Variants in ADH4 observed in about 807,000 individuals in gnomAD.
ADH4 encodes all-trans-retinol dehydrogenase [NAD(+)] ADH4.
Under a neutral mutation model 35.2 loss-of-function variants are expected in ADH4, and 31 were observed. The ratio of observed to expected loss-of-function variants is 0.88; its 90% CI spans 0.66 to 1.19. The LOEUF (loss-of-function observed/expected upper bound fraction) is 1.19, where lower values mean the gene tolerates loss of function less well. Ranked by LOEUF, ADH4 falls within the 50% of genes most tolerant of loss-of-function variation. The pLI, the probability that ADH4 is intolerant of heterozygous loss-of-function variation, is 0.00. For synonymous variants in ADH4, 171 were observed against 160.2 expected, an observed-to-expected ratio of 1.07 and a Z score of -0.51; for missense variants, 476 against 458.3, an observed-to-expected ratio of 1.04 and a Z score of -0.35.
chr4:99,138,348 T>C (rs1170650220), intron 4 of ADH4, among the ~76,000 whole-genome samples: 1 of 152,186 alleles, frequency 6.6e-6, no homozygotes, highest in African/African-American at 2.4e-5. Flanking sequence ...GTAAGAGTAG[T>C]ACAATTTTAG....
rs1353690771 is a variant in ADH4 at position 99,125,830 on chromosome 4, T to C, written c.1118+764A>G. On this transcript the variant is annotated intron_variant, in intron 8 of 8. Coordinates refer to ENST00000265512, the MANE Select transcript of ADH4 (RefSeq NM_000670.5). ...CTGCTTCAAATCCCAGTTATTTTAA[T>C]TTTACTTTAGACTTTTCCTCCTCTC... Among the ~76,000 whole-genome samples the C allele has an allele frequency of 2.0e-5, 3 of 152,220 alleles. No individual in the cohort carries two copies. In the East Asian group the frequency reaches 5.8e-4, roughly 29 times the overall value.
intron 8 of ADH4, 36 bp downstream of exon 8, chr4:99,126,557 GT>G: frequency 6.5e-7 from 1 of 1,528,456 alleles, no homozygotes; most frequent in South Asian, 1.3e-5. Flanking sequence ...CATTGTAAAC[GT>G]TTTTTAAATC....
intron 6 of ADH4, among the ~76,000 whole-genome samples, chr4:99,128,811 C>CTT (rs56742224): frequency 7.4e-5 from 11 of 149,522 alleles, no homozygotes; most frequent in Non-Finnish European, 1.0e-4. Context: ...ATTGTATTAT[C>CTT]TTTTTTTTGA....
At chr4:99,139,578 A>AT (rs776948207) in intron 3 of ADH4, among the ~76,000 whole-genome samples, 1 of 151,994 alleles carries the variant, frequency 6.6e-6, no homozygotes, top group Non-Finnish European at 1.5e-5. Flanking sequence ...CAAATTCCAC[A>AT]TTTTTCCACT....
At chr4:99,140,336 G>T (rs1258141639) in intron 3 of ADH4, among the ~76,000 whole-genome samples, 1 of 152,200 alleles carries the variant, frequency 6.6e-6, no homozygotes, top group Non-Finnish European at 1.5e-5. Flanking sequence ...TGCTTTGGGA[G>T]GCTGAGGTAG....
rs1579388992 is a variant in ADH4 at position 99,124,458 on chromosome 4, G to A, written c.1127C>T (p.Thr376Ile). The change falls in exon 9 of 9, where the codon ACA (threonine) becomes ATA (isoleucine). Residue 376 changes from threonine (T) to isoleucine (I), a missense_variant. Thr to Ile is a moderately conservative substitution (Grantham distance 89). Coordinates refer to ENST00000265512, the MANE Select transcript of ADH4 (RefSeq NM_000670.5). Reference protein sequence around the residue: ...DLMNQGKSVRTILIF With the variant: ...DLMNQGKSVRIILIF ...CTGGCATCTTCAAAAGATGAGGATTGTTCGGACGCTGTTAATAACAATAAA... is the reference window on the plus strand; with the variant it reads ...CTGGCATCTTCAAAAGATGAGGATTATTCGGACGCTGTTAATAACAATAAA... The A allele has an allele frequency of 6.7e-7, 1 of 1,488,494 alleles. No individual in the cohort carries two copies. Among genetic ancestry groups the A allele is most frequent in the East Asian group, 2.3e-5 (1 of 42,724 alleles). 92.2% of individuals were successfully genotyped at this position (1,488,494 alleles called of 1,614,324 possible).
rs918576670 is a variant in ADH4, at chr4:99,124,079, G to A, written c.*363C>T. On this transcript the variant is annotated 3_prime_UTR_variant, in exon 9 of 9. Coordinates refer to ENST00000265512, the MANE Select transcript of ADH4 (RefSeq NM_000670.5). ...AACATAGACAAAAGTGGAGAGAAAA[G>A]TATAATGAAACTCCATGTATTCATT... 33 of 191,114 alleles carry A rather than the reference G, an allele frequency of 1.7e-4. No homozygotes were observed. Among genetic ancestry groups the A allele is most frequent in the Non-Finnish European group, 2.4e-4 (23 of 95,582 alleles). 11.8% of individuals were successfully genotyped at this position (191,114 alleles called of 1,614,324 possible). A position where few individuals can be genotyped will look rare whatever the true frequency, so the allele number is the denominator to read the frequency against.
At chr4:99,140,822 G>A (rs371929310) in intron 3 of ADH4, among the ~76,000 whole-genome samples, 8 of 150,858 alleles carry the variant, frequency 5.3e-5, no homozygotes, top group African/African-American at 1.2e-4. Flanking sequence ...AGCTGAGATC[G>A]TGCCACTACA....
chr4:99,124,351 A>G lies in ADH4; in HGVS notation c.*91T>C, dbSNP rs1334454619. On this transcript the variant is annotated 3_prime_UTR_variant, in exon 9 of 9. Transcript: ENST00000265512. ...TAAATGTAAATATTTGTTTAAACTC[A>G]TGGCTTTCCTTGGTTCATCAAATCA... 7.7e-6 allele frequency: 7 copies of G among 913,544 alleles called. No homozygotes were observed. Among genetic ancestry groups the G allele is most frequent in the Non-Finnish European group, 1.0e-5 (6 of 582,690 alleles). The allele number at this position is 913,544 out of a possible 1,614,324, so 56.6% of individuals were successfully genotyped here. A position where few individuals can be genotyped will look rare whatever the true frequency, so the allele number is the denominator to read the frequency against.
intron 3 of ADH4, among the ~76,000 whole-genome samples, chr4:99,139,681 C>T (rs1344679610): frequency 6.6e-6 from 1 of 152,126 alleles, no homozygotes; most frequent in Non-Finnish European, 1.5e-5. Flanking sequence ...TTAATACATA[C>T]CACGCACCAT....
rs375601208 is a variant in ADH4, at chr4:99,131,484, C to G, written c.843+20G>C. On this transcript the variant is annotated intron_variant, in intron 6 of 8. Transcript: ENST00000265512. ...CAAAGAATACATTGAAAATATGATC[C>G]AAGAACAAAATATACATACCATGGT... The G allele has an allele frequency of 3.0e-5, 48 of 1,602,870 alleles. No individual in the cohort carries two copies. The highest frequency in any genetic ancestry group is 4.3e-6 in the Non-Finnish European group (5 of 1,175,090).
chr4:99,137,856 T>G (rs188849361), intron 4 of ADH4, among the ~76,000 whole-genome samples: 2 of 152,260 alleles, frequency 1.3e-5, no homozygotes, highest in African/African-American at 2.4e-5. Context: ...ACCATATATC[T>G]CTAAAGGATT....
intron 5 of ADH4, among the ~76,000 whole-genome samples, chr4:99,136,229 G>T (rs566269307): frequency 6.6e-6 from 1 of 152,254 alleles, no homozygotes; most frequent in East Asian, 1.9e-4. Flanking sequence ...AAGAACATAT[G>T]CTGGGTCAAT....
chr4:99,134,490 T>C (rs1199199734), intron 5 of ADH4, among the ~76,000 whole-genome samples: 2 of 152,124 alleles, frequency 1.3e-5, no homozygotes, highest in Non-Finnish European at 2.9e-5. Context: ...CTAGTGCTGA[T>C]GGCCCTTAAA....
chr4:99,141,455 A>T (rs959785885), intron 3 of ADH4, 86 bp downstream of exon 3: 3 of 1,353,904 alleles, frequency 2.2e-6, no homozygotes, highest in Middle Eastern at 2.0e-4. Context: ...ATAGAGATCA[A>T]TTATAGCATG....
chr4:99,124,560 G>T, intron 8 of ADH4, 94 bp from the exon 9 acceptor site: 2 of 754,056 alleles, frequency 2.7e-6, no homozygotes, highest in South Asian at 1.9e-5. Flanking sequence ...TTCAGGATCT[G>T]GTCTTCCTTT....
intron 6 of ADH4, among the ~76,000 whole-genome samples, chr4:99,129,041 C>G (rs969015260): frequency 1.3e-5 from 2 of 152,094 alleles, no homozygotes; most frequent in African/African-American, 4.8e-5. Context: ...CTCAAGCAGT[C>G]TGCCCACCTC....
Position 99,126,677 on chromosome 4 carries a change from T to C in ADH4, c.1035A>G (p.Lys345=). 1.2e-6 allele frequency: 2 copies of C among 1,612,032 alleles called. No homozygotes were observed. Among genetic ancestry groups the C allele is most frequent in the African/African-American group, 1.3e-5 (1 of 75,042 alleles). Residue 345 remains lysine, a synonymous_variant, in exon 8 of 9, where the codon AAA becomes AAG. Coordinates refer to ENST00000265512, the MANE Select transcript of ADH4 (RefSeq NM_000670.5). ...PKLVTDYKNK[K]FNLDALVTHT... Reference sequence around the variant, plus strand: ...GGGTCACCAGTGCATCCAGATTGAATTTCTTATTCTTATAGTCAGTGACCA... The same window carrying C: ...GGGTCACCAGTGCATCCAGATTGAACTTCTTATTCTTATAGTCAGTGACCA...
intron 6 of ADH4, among the ~76,000 whole-genome samples, chr4:99,129,618 T>G (rs1263783903): frequency 6.6e-6 from 1 of 152,220 alleles, no homozygotes; most frequent in Non-Finnish European, 1.5e-5. Context: ...TATGTCTCCC[T>G]GCTTTCAGCT....
Sources: allele counts gnomAD v4.1 joint callset (sites outside exome capture counted in the v4.1 genomes callset), GRCh38; gene constraint gnomAD v4.1.1; transcripts MANE v1.5; gene names NCBI Gene and HGNC (gene_info 2026-07-23, HGNC 2026-07-21).